GRIN2B: variants seen among roughly 807,000 people sequenced by gnomAD.
The protein encoded by GRIN2B is glutamate ionotropic receptor NMDA type subunit 2B.
A neutral mutation model predicts 114.5 loss-of-function variants in GRIN2B; 5 were observed. The ratio of observed to expected loss-of-function variants is 0.04; its 90% CI spans 0.02 to 0.09. GRIN2B has a LOEUF of 0.09. Ranked by LOEUF, GRIN2B falls within the 10% of genes least tolerant of loss-of-function variation. The probability of loss-of-function intolerance (pLI) is 1.00; values close to 1 mark genes in which losing one functional copy is unlikely to be tolerated. For missense variants in GRIN2B, 1,108 were observed against 1,943.5 expected, an observed-to-expected ratio of 0.57 and a Z score of 8.08; for synonymous variants, 787 against 745.1, an observed-to-expected ratio of 1.06 and a Z score of -0.92.
At chr12:13,812,040 A>G (rs1864739155) in intron 3 of GRIN2B, among the ~76,000 whole-genome samples, 1 of 152,170 alleles carries the variant, frequency 6.6e-6, no homozygotes, top group Non-Finnish European at 1.5e-5. Flanking sequence ...CTCGTGGCCA[A>G]TCTTTCATAG....
intron 3 of GRIN2B, among the ~76,000 whole-genome samples, chr12:13,861,844 C>T (rs965343428): frequency 1.6e-4 from 24 of 152,184 alleles, no homozygotes; most frequent in Admixed American, 3.9e-4. Flanking sequence ...CATCATGATA[C>T]ACTCTCACTC....
rs1005153326 is a variant in GRIN2B at position 13,548,788 on chromosome 12, T to G, written c.*13995A>C. ...GATTTTTTTTAGATTAAAAAATTAGTCTAGTGCCCACCTCCTCCCCCCATC... is the reference window on the plus strand; with the variant it reads ...GATTTTTTTTAGATTAAAAAATTAGGCTAGTGCCCACCTCCTCCCCCCATC... On this transcript the variant is annotated 3_prime_UTR_variant, in exon 14 of 14. Transcript: ENST00000609686. The G allele has an allele frequency of 1.3e-5, 2 of 150,634 alleles. No homozygotes were observed. Among genetic ancestry groups the G allele is most frequent in the Non-Finnish European group, 3.0e-5 (2 of 67,590 alleles). 9.3% of individuals were successfully genotyped at this position (150,634 alleles called of 1,614,324 possible).
chr12:13,943,210 C>A (rs1246586410), intron 2 of GRIN2B, among the ~76,000 whole-genome samples: 1 of 152,102 alleles, frequency 6.6e-6, no homozygotes, highest in East Asian at 1.9e-4. Context: ...ATAGGTGGAT[C>A]TTCTTATTAC....
At chr12:13,659,606 T>C (rs940510147) in intron 5 of GRIN2B, among the ~76,000 whole-genome samples, 3 of 152,300 alleles carry the variant, frequency 2.0e-5, no homozygotes, top group Non-Finnish European at 4.4e-5. Flanking sequence ...CCCCCTTATT[T>C]GTACCTATCA....
chr12:13,675,128 T>C (rs2136540191), intron 5 of GRIN2B, among the ~76,000 whole-genome samples: 1 of 152,288 alleles, frequency 6.6e-6, no homozygotes, highest in African/African-American at 2.4e-5. Context: ...TCCTTATACC[T>C]GTTGGTACTA....
chr12:13,687,828 C>G (rs1950184771), intron 4 of GRIN2B, among the ~76,000 whole-genome samples: 1 of 152,208 alleles, frequency 6.6e-6, no homozygotes, highest in Admixed American at 6.5e-5. Flanking sequence ...ACAAAATATG[C>G]TGACTGACAT....
intron 2 of GRIN2B, among the ~76,000 whole-genome samples, chr12:13,951,514 G>A (rs1441456691): frequency 1.3e-5 from 2 of 152,192 alleles, no homozygotes; most frequent in Non-Finnish European, 2.9e-5. Flanking sequence ...AAATGATCCA[G>A]TCTGTTTGTA....
At chr12:13,827,229 C>CTTT (rs57007962) in intron 3 of GRIN2B, among the ~76,000 whole-genome samples, 40,028 of 97,892 alleles carry the variant, frequency 0.41, 8,141 homozygotes, top group East Asian at 0.66. Context: ...TTGTTGTTTT[C>CTTT]TTTTTTTTTT....
At chr12:13,931,406 T>C (rs929819824) in intron 2 of GRIN2B, among the ~76,000 whole-genome samples, 1 of 152,176 alleles carries the variant, frequency 6.6e-6, no homozygotes, top group Admixed American at 6.5e-5. Flanking sequence ...AGTATCCTGG[T>C]TTCTTCCTAC....
intron 2 of GRIN2B, among the ~76,000 whole-genome samples, chr12:13,942,064 G>C (rs1000267657): frequency 1.3e-5 from 2 of 152,182 alleles, no homozygotes; most frequent in Non-Finnish European, 2.9e-5. Context: ...AAAAAGGTCT[G>C]CTTTTACCGT....
At position 13,615,724 on chromosome 12, in the gene GRIN2B, A is replaced by T. The variant is rs1017047685; in HGVS notation, c.1329-60T>A. 24 of 1,427,892 alleles carry T rather than the reference A, an allele frequency of 1.7e-5. No homozygotes were observed. In the Admixed American group the frequency reaches 4.0e-4, roughly 24 times the overall value. 88.5% of individuals were successfully genotyped at this position (1,427,892 alleles called of 1,614,324 possible). On this transcript the variant is annotated intron_variant, in intron 6 of 13. Coordinates refer to ENST00000609686, the MANE Select transcript of GRIN2B (RefSeq NM_000834.5). This position sits in a 1 kb window ranked among gnomAD's most constrained non-coding sequence, Gnocchi z 5.8. ...AAAAGTCTTTGTACAAAAAGCCAAC[A>T]TTTATTACCCTTTGCCATTAAAAAA...
chr12:13,538,094 A>T lies in GRIN2B; in HGVS notation c.*24689T>A, dbSNP rs888886745. ...AAGAATAGGGGAATAGAAATATTCAAATCAAGTGTTCAGGGTAGGTTCTAC... is the reference window on the plus strand; with the variant it reads ...AAGAATAGGGGAATAGAAATATTCATATCAAGTGTTCAGGGTAGGTTCTAC... On this transcript the variant is annotated 3_prime_UTR_variant, in exon 14 of 14. Coordinates refer to ENST00000609686, the MANE Select transcript of GRIN2B (RefSeq NM_000834.5). 2.0e-5 allele frequency: 3 copies of T among 152,248 alleles called. No individual in the cohort carries two copies. The highest frequency in any genetic ancestry group is 7.2e-5 in the African/African-American group (3 of 41,458). 9.4% of individuals were successfully genotyped at this position (152,248 alleles called of 1,614,324 possible). A position where few individuals can be genotyped will look rare whatever the true frequency, so the allele number is the denominator to read the frequency against.
intron 2 of GRIN2B, among the ~76,000 whole-genome samples, chr12:13,907,536 G>A (rs1402237488): frequency 6.6e-6 from 1 of 151,580 alleles, no homozygotes; most frequent in Non-Finnish European, 1.5e-5. Context: ...GAGTACTATT[G>A]CTTGATTCCC....
chr12:13,933,479 G>A (rs753154218), intron 2 of GRIN2B, among the ~76,000 whole-genome samples: 2 of 152,032 alleles, frequency 1.3e-5, no homozygotes, highest in Non-Finnish European at 2.9e-5. Context: ...TCCTTGATAC[G>A]GTCCTACCTG....
At chr12:13,616,156 A>G (rs1949437150) in intron 6 of GRIN2B, among the ~76,000 whole-genome samples, 1 of 152,216 alleles carries the variant, frequency 6.6e-6, no homozygotes, top group Non-Finnish European at 1.5e-5. Flanking sequence ...CCAAGAAAAC[A>G]TATTTGAACA....
chr12:13,597,688 G>A (rs7137583), intron 10 of GRIN2B, among the ~76,000 whole-genome samples: 3 of 152,104 alleles, frequency 2.0e-5, no homozygotes, highest in Non-Finnish European at 2.9e-5. Flanking sequence ...GTGCTTTCTC[G>A]CTTTCATAAA....
chr12:13,713,457 G>A (rs1019329207), intron 4 of GRIN2B, among the ~76,000 whole-genome samples: 6 of 151,832 alleles, frequency 4.0e-5, no homozygotes, highest in Non-Finnish European at 8.8e-5. Flanking sequence ...CTTTTCAAAT[G>A]AATCACAGAA....
At chr12:13,855,402 C>G (rs1361232599) in intron 3 of GRIN2B, among the ~76,000 whole-genome samples, 2 of 152,178 alleles carry the variant, frequency 1.3e-5, no homozygotes, top group Non-Finnish European at 2.9e-5. Context: ...CCAGAACTCC[C>G]TCACTTAACT....
chr12:13,965,785 T>G (rs1345007837), intron 2 of GRIN2B, among the ~76,000 whole-genome samples: 1 of 152,290 alleles, frequency 6.6e-6, no homozygotes, highest in East Asian at 1.9e-4. Context: ...AAAGTAAAGA[T>G]AGAGAGGTAA....
Sources: allele counts gnomAD v4.1 joint callset (sites outside exome capture counted in the v4.1 genomes callset), GRCh38; gene constraint gnomAD v4.1.1; non-coding constraint Gnocchi (gnomAD v3.1); transcripts MANE v1.5; gene names NCBI Gene and HGNC (gene_info 2026-07-23, HGNC 2026-07-21).